Variants in LDLRAP1 observed in about 807,000 individuals in gnomAD.
LDLRAP1 encodes low density lipoprotein receptor adaptor protein 1.
Under a neutral mutation model 37.8 loss-of-function variants are expected in LDLRAP1, and 30 were observed. The ratio of observed to expected loss-of-function variants is 0.79; its 90% confidence interval spans 0.59 to 1.08. LDLRAP1 has a LOEUF of 1.08. Ranked by LOEUF, LDLRAP1 falls within the 50% of genes least tolerant of loss-of-function variation. The probability of loss-of-function intolerance (pLI) is 0.00; values close to 1 mark genes in which losing one functional copy is unlikely to be tolerated. For synonymous variants in LDLRAP1, 156 were observed against 169.8 expected, an observed-to-expected ratio of 0.92 and a Z score of 0.63; for missense variants, 375 against 401.6, an observed-to-expected ratio of 0.93 and a Z score of 0.57.
At chr1:25,582,819 C>T in the LDLRAP1 span, among the ~76,000 whole-genome samples, 3 of 152,150 alleles carry the variant, frequency 2.0e-5, no homozygotes, top group South Asian at 2.1e-4. Context: ...CATCTGTAAT[C>T]CCAGCACTTT....
chr1:25,575,686 G>A, the LDLRAP1 span, among the ~76,000 whole-genome samples: 2 of 152,196 alleles, frequency 1.3e-5, no homozygotes, highest in African/African-American at 2.4e-5. Flanking sequence ...TTCCTTATCT[G>A]TAGAGGCGGG....
At chr1:25,553,697 G>A (rs2044129429) in intron 1 of LDLRAP1, 2 of 549,010 alleles carry the variant, frequency 3.6e-6, no homozygotes, top group Non-Finnish European at 6.5e-6. Flanking sequence ...CTTGAACCTG[G>A]GGTGCAGAGG....
At chr1:25,580,088 C>T in the LDLRAP1 span, among the ~76,000 whole-genome samples, 13 of 152,326 alleles carry the variant, frequency 8.5e-5, 1 homozygote, top group Admixed American at 8.5e-4. Flanking sequence ...TCGAGGGAGG[C>T]TGGCAGTCAG....
rs1397413413 is a variant in LDLRAP1 at position 25,543,720 on chromosome 1, G to A, written c.22G>A (p.Gly8Arg). 4 of 1,214,262 alleles carry A rather than the reference G, an allele frequency of 3.3e-6. No individual in the cohort carries two copies. The highest frequency in any genetic ancestry group is 4.1e-6 in the Non-Finnish European group (4 of 976,744). 75.2% of individuals were successfully genotyped at this position (1,214,262 alleles called of 1,614,324 possible). MDALKSA[G>R]RALIRSPSLA... Reference sequence around the variant, plus strand: ...GGCCATGGACGCGCTCAAGTCGGCGGGGCGGGCGCTGATCCGGAGCCCCAG... The same window carrying A: ...GGCCATGGACGCGCTCAAGTCGGCGAGGCGGGCGCTGATCCGGAGCCCCAG... Residue 8 changes from glycine to arginine, a missense_variant, in exon 1 of 9, where the codon GGG becomes AGG. By Grantham distance (125) the Gly-to-Arg change is moderately radical. Coordinates refer to ENST00000374338, the MANE Select transcript of LDLRAP1 (RefSeq NM_015627.3).
chr1:25,587,395 T>A, the LDLRAP1 span, among the ~76,000 whole-genome samples: 2 of 152,162 alleles, frequency 1.3e-5, no homozygotes, highest in African/African-American at 4.8e-5. Flanking sequence ...CCTCAAGTGA[T>A]CTTTCTGCCT....
chr1:25,582,333 T>C, the LDLRAP1 span, among the ~76,000 whole-genome samples: 1 of 152,226 alleles, frequency 6.6e-6, no homozygotes, highest in Non-Finnish European at 1.5e-5. Flanking sequence ...ACGCCTGTAA[T>C]CCCAGCACTT....
the LDLRAP1 span, among the ~76,000 whole-genome samples, chr1:25,577,796 C>T: frequency 6.6e-6 from 1 of 152,222 alleles, no homozygotes; most frequent in Non-Finnish European, 1.5e-5. Context: ...ACCCTCGGAG[C>T]CTCATCTTCC....
intron 5 of LDLRAP1, 151 bp downstream of exon 5, chr1:25,562,867 C>G: frequency 1.2e-6 from 1 of 829,940 alleles, no homozygotes. Flanking sequence ...CTCGGTTTTC[C>G]CATCTGAAAA....
chr1:25,550,700 A>G (rs2044051645), intron 1 of LDLRAP1, among the ~76,000 whole-genome samples: 1 of 152,144 alleles, frequency 6.6e-6, no homozygotes, highest in Admixed American at 6.5e-5. Flanking sequence ...CACAGGTCCC[A>G]TCCCTGTCTG....
the LDLRAP1 span, among the ~76,000 whole-genome samples, chr1:25,578,598 T>G: frequency 6.6e-6 from 1 of 152,126 alleles, no homozygotes; most frequent in Non-Finnish European, 1.5e-5. Flanking sequence ...CACTGCAGCC[T>G]CAACCTCCCC....
At chr1:25,543,833 C>G (rs2043862304) in intron 1 of LDLRAP1, 47 bp downstream of exon 1, 1 of 1,154,682 alleles carries the variant, frequency 8.7e-7, no homozygotes, top group Non-Finnish European at 1.1e-6. Context: ...CGGGCAGAGG[C>G]GCGCGGGGCC....
intron 1 of LDLRAP1, 48 bp downstream of exon 1, chr1:25,543,834 G>C: frequency 7.0e-6 from 8 of 1,149,844 alleles, no homozygotes; most frequent in Non-Finnish European, 7.6e-6. Flanking sequence ...GGGCAGAGGC[G>C]CGCGGGGCCT....
In LDLRAP1 at chr1:25,555,033, C is replaced by T; in HGVS notation, c.344+61C>T. 5.0e-6 allele frequency: 6 copies of T among 1,195,198 alleles called. No individual in the cohort carries two copies. Among genetic ancestry groups the T allele is most frequent in the Non-Finnish European group, 7.5e-6 (6 of 804,168 alleles). The allele number at this position is 1,195,198 out of a possible 1,614,324, so 74.0% of individuals were successfully genotyped here. ...CACTTGGGGCAGTGGGTGGAGTATCCCATCTGAATCCAGGCTCTACCACTT... is the reference window on the plus strand; with the variant it reads ...CACTTGGGGCAGTGGGTGGAGTATCTCATCTGAATCCAGGCTCTACCACTT... On this transcript the variant is annotated intron_variant, in intron 3 of 8. Coordinates refer to ENST00000374338, the MANE Select transcript of LDLRAP1 (RefSeq NM_015627.3). The surrounding 1 kb of genome is among the most constrained non-coding windows in gnomAD (Gnocchi z 4.7).
chr1:25,576,196 C>A, the LDLRAP1 span, among the ~76,000 whole-genome samples: 23 of 151,468 alleles, frequency 1.5e-4, no homozygotes, highest in African/African-American at 4.9e-4. Flanking sequence ...CGTGCCACTG[C>A]ACTCCAGCCT....
chr1:25,575,436 A>AC, the LDLRAP1 span, among the ~76,000 whole-genome samples: 2 of 150,992 alleles, frequency 1.3e-5, no homozygotes, highest in East Asian at 3.9e-4. Context: ...AAAAAAAAAA[A>AC]AAAAAAAAAC....
At chr1:25,547,162 AG>A (rs1383621950) in intron 1 of LDLRAP1, among the ~76,000 whole-genome samples, 1 of 152,042 alleles carries the variant, frequency 6.6e-6, no homozygotes, top group Non-Finnish European at 1.5e-5. Flanking sequence ...GTGAGAAGGG[AG>A]GGGAGTCCAC....
chr1:25,570,855 T>C (rs2044595541), downstream of LDLRAP1, among the ~76,000 whole-genome samples: 1 of 151,978 alleles, frequency 6.6e-6, no homozygotes, highest in Non-Finnish European at 1.5e-5. Context: ...TGAGACTCCT[T>C]CTCAAAATAA....
At chr1:25,551,320 G>C (rs879917280) in intron 1 of LDLRAP1, among the ~76,000 whole-genome samples, 1 of 152,110 alleles carries the variant, frequency 6.6e-6, no homozygotes, top group Non-Finnish European at 1.5e-5. Context: ...AAATGCCTCC[G>C]CCTCCAAAAA....
At chr1:25,582,818 TC>T in the LDLRAP1 span, among the ~76,000 whole-genome samples, 1 of 152,006 alleles carries the variant, frequency 6.6e-6, no homozygotes, top group Non-Finnish European at 1.5e-5. Flanking sequence ...ACATCTGTAA[TC>T]CCAGCACTTT....
Sources: allele counts gnomAD v4.1 joint callset (sites outside exome capture counted in the v4.1 genomes callset), GRCh38; gene constraint gnomAD v4.1.1; non-coding constraint Gnocchi (gnomAD v3.1); transcripts MANE v1.5; gene names NCBI Gene and HGNC (gene_info 2026-07-23, HGNC 2026-07-21).